The following MEAK7 variants were observed in gnomAD, a reference collection of about 807,000 sequenced individuals.
The protein encoded by MEAK7 is MTOR associated protein MEAK7.
A neutral mutation model predicts 40.5 loss-of-function variants in MEAK7; 68 were observed. The ratio of observed to expected loss-of-function variants is 1.68; its 90% CI spans 1.38 to 2.06. MEAK7 has a LOEUF of 2.06. Among genes scored for constraint, MEAK7 ranks in the 30% most tolerant of loss-of-function variants. The pLI is 0.00. For synonymous variants in MEAK7, 338 were observed against 231.9 expected (o/e 1.46, Z -4.16); for missense variants, 918 against 580.5 (o/e 1.58, Z -5.98).
chr16:84,482,784 A>T (rs994435770), intron 5 of MEAK7, 74 bp from the exon 6 acceptor site: 22 of 1,586,320 alleles, frequency 1.4e-5, no homozygotes, highest in Non-Finnish European at 1.9e-5. Context: ...AATGCCGGTA[A>T]GCTGCAGCTC....
chr16:84,504,000 C>G, intron 1 of MEAK7: 2 of 985,522 alleles, frequency 2.0e-6, no homozygotes, highest in Non-Finnish European at 2.4e-6. Flanking sequence ...TCTGGACAGG[C>G]TTCGAAGTCC....
intron 5 of MEAK7, chr16:84,485,892 G>A (rs1199883124): frequency 6.6e-6 from 1 of 152,222 alleles, no homozygotes; most frequent in Non-Finnish European, 1.5e-5. Flanking sequence ...ACGTTCACCA[G>A]GCTGGTCTCA....
intron 4 of MEAK7, chr16:84,488,185 AATTTTT>A (rs921365222): frequency 2.0e-5 from 3 of 152,166 alleles, no homozygotes; most frequent in African/African-American, 7.2e-5. Flanking sequence ...TGAAAACTTT[AATTTTT>A]ATTTTCATGA....
intron 1 of MEAK7, 101 bp from the exon 2 acceptor site, chr16:84,498,212 G>A (rs1914216296): frequency 1.5e-6 from 2 of 1,358,020 alleles, no homozygotes; most frequent in South Asian, 2.9e-5. Flanking sequence ...TACTGATATA[G>A]CCACAAAATG....
chr16:84,479,478 G>GAATTCCCTAATGCCAGCA lies in MEAK7; in HGVS notation c.*434_*435insTGCTGGCATTAGGGAATT. 8.1e-6 allele frequency: 1 copy of GAATTCCCTAATGCCAGCA among 123,474 alleles called. No homozygotes were observed. The highest frequency in any genetic ancestry group is 3.5e-5 in the African/African-American group (1 of 28,336). The allele number at this position is 123,474 out of a possible 1,614,324, so 7.6% of individuals were successfully genotyped here. On this transcript the variant is annotated 3_prime_UTR_variant, in exon 8 of 8. Coordinates refer to ENST00000343629, the MANE Select transcript of MEAK7 (RefSeq NM_020947.4). ...GCCAGCGGAATTCCCTAATGCCAGCGGAATTCCCTAATGCCAGCGGAATTC... is the reference window on the plus strand; with the variant it reads ...GCCAGCGGAATTCCCTAATGCCAGCGAATTCCCTAATGCCAGCAGAATTCCCTAATGCCAGCGGAATTC...
At position 84,482,957 on chromosome 16, in the gene MEAK7, G is replaced by T. The variant is rs114131774; in HGVS notation, c.959-247C>A. ...TCTTTTAGCTCTGGCCAGGGGAGCA[G>T]AGATCAGAACTCTGCCCACTGTCTG... On this transcript the variant is annotated intron_variant, in intron 5 of 7. Coordinates refer to ENST00000343629, the MANE Select transcript of MEAK7 (RefSeq NM_020947.4). Among the ~76,000 whole-genome samples, 1,325 of 152,326 alleles carry T rather than the reference G, an allele frequency of 8.7e-3. 10 individuals carry two copies. The highest frequency in any genetic ancestry group is 0.014 in the African/African-American group (593 of 41,578).
At position 84,480,557 on chromosome 16, in the gene MEAK7, G is replaced by T; in HGVS notation, c.1229C>A (p.Ala410Glu). The T allele has an allele frequency of 1.9e-6, 3 of 1,612,904 alleles. No individual in the cohort carries two copies. Among genetic ancestry groups the T allele is most frequent in the South Asian group, 2.2e-5 (2 of 90,940 alleles). Residue 410 changes from alanine to glutamate, a missense_variant, in exon 7 of 8, where the codon GCG becomes GAG. Transcript: ENST00000343629. ...CTGCTCCTCTGAGGGGTCTCCAACC[G>T]CCCACACCTCCATCTTATCAAACTG... is the stretch of plus-strand genomic sequence containing the variant. ...NFQFDKMEVWAVGDPSEEQLA... is the reference protein window; with the variant it reads ...NFQFDKMEVWEVGDPSEEQLA...
chr16:84,499,453 G>C (rs1914322041), intron 1 of MEAK7, among the ~76,000 whole-genome samples: 1 of 152,168 alleles, frequency 6.6e-6, no homozygotes, highest in Admixed American at 6.5e-5. Flanking sequence ...ATGAGTCATG[G>C]TCCGCACCAA....
At chr16:84,489,838 G>C (rs566619980) in intron 3 of MEAK7, among the ~76,000 whole-genome samples, 2 of 152,302 alleles carry the variant, frequency 1.3e-5, no homozygotes, top group South Asian at 4.1e-4. Flanking sequence ...AGGAAGGCAA[G>C]TCTTCCTGTT....
intron 5 of MEAK7, among the ~76,000 whole-genome samples, chr16:84,484,538 A>C (rs1219346879): frequency 2.6e-5 from 4 of 152,184 alleles, no homozygotes; most frequent in Non-Finnish European, 5.9e-5. Context: ...AAAAGGCTCT[A>C]AGTATAATCA....
intron 3 of MEAK7, among the ~76,000 whole-genome samples, chr16:84,494,442 T>TC (rs759145889): frequency 1.4e-4 from 22 of 152,076 alleles, no homozygotes; most frequent in Non-Finnish European, 2.5e-4. Flanking sequence ...TTCCTTTTTT[T>TC]CCCCCCATTT....
Position 84,486,726 on chromosome 16 carries a change from T to G in MEAK7, c.863A>C (p.His288Pro). The stretch of plus-strand genomic sequence containing the variant: ...GAGGACAGCCACACAGGGTCCCCGG[T>G]GAGTGATGTGGCCACAGAGCTGGGA... Reference protein sequence around the residue: ...SFSQLCGHITHRGPCVAVLED... With the variant: ...SFSQLCGHITPRGPCVAVLED... Residue 288 changes from histidine (H) to proline (P), a missense_variant, in exon 5 of 8, where the codon CAC becomes CCC. Physicochemically the swap from His to Pro is moderately conservative, Grantham distance 77 (BLOSUM62 -2). Coordinates refer to ENST00000343629, the MANE Select transcript of MEAK7 (RefSeq NM_020947.4). 6.2e-7 allele frequency: 1 copy of G among 1,613,808 alleles called. No homozygotes were observed. The highest frequency in any genetic ancestry group is 8.5e-7 in the Non-Finnish European group (1 of 1,179,848).
Position 84,479,992 on chromosome 16 carries a change from G to C in MEAK7, c.1292C>G (p.Pro431Arg). 6.2e-7 allele frequency: 1 copy of C among 1,609,412 alleles called. No homozygotes were observed. Among genetic ancestry groups the C allele is most frequent in the Non-Finnish European group, 8.5e-7 (1 of 1,176,782 alleles). The part of the protein sequence containing the change: ...KGNKSILDAD[P>R]EAQALLEISG... ...GATCTCCAGCAGGGCCTGGGCCTCA[G>C]GGTCCGCATCCAGGATGCTCTTGTT... Residue 431 changes from proline (P) to arginine (R), a missense_variant, in exon 8 of 8, where the codon CCT becomes CGT. Physicochemically the swap from Pro to Arg is moderately radical, Grantham distance 103. Coordinates refer to ENST00000343629, the MANE Select transcript of MEAK7 (RefSeq NM_020947.4).
At chr16:84,489,470 A>G in intron 3 of MEAK7, 48 bp from the exon 4 acceptor site, 1 of 1,551,206 alleles carries the variant, frequency 6.4e-7, no homozygotes. Flanking sequence ...CCATATCCTG[A>G]GACCTATGTC....
rs34244563 is a variant in MEAK7 at position 84,486,890 on chromosome 16, C to G, written c.699G>C (p.Glu233Asp). The part of the protein sequence containing the change: ...SSLDLTTLVP[E>D]RQVDQGRGFE... ...AACCCCTGCCCTGGTCCACTTGACG[C>G]TCAGGGACCAGGGTAGTCAGATCAA... Residue 233 changes from glutamate (E) to aspartate (D), a missense_variant, in exon 5 of 8, where the codon GAG (glutamate) becomes GAC (aspartate). Transcript: ENST00000343629. The G allele has an allele frequency of 1.6e-3, 2,641 of 1,614,166 alleles. 37 individuals carry two copies. The African/African-American group carries it at 0.029, about 18-fold the overall frequency.
chr16:84,487,309 A>T, intron 4 of MEAK7: 1 of 465,622 alleles, frequency 2.1e-6, no homozygotes. Context: ...TGTATTTAGG[A>T]CATATTATTA....
chr16:84,486,993 C>A lies in MEAK7; in HGVS notation c.596G>T (p.Trp199Leu). The A allele has an allele frequency of 2.5e-6, 4 of 1,614,152 alleles. No homozygotes were observed. Among genetic ancestry groups the A allele is most frequent in the Non-Finnish European group, 3.4e-6 (4 of 1,180,022 alleles). The part of the protein sequence containing the change: ...YDCDRAVIED[W>L]VFRVPHVAIF... The stretch of plus-strand genomic sequence containing the variant: ...GGCCACATGGGGGACCCTGAACACC[C>A]AGTCCTCGATCACAGCTCGGTCACA... Residue 199 changes from tryptophan to leucine, a missense_variant, in exon 5 of 8, where the codon TGG becomes TTG. By Grantham distance (61) the Trp-to-Leu change is moderately conservative. Coordinates refer to ENST00000343629, the MANE Select transcript of MEAK7 (RefSeq NM_020947.4).
In MEAK7 at chr16:84,477,411, G is replaced by C. The variant is rs558032259; in HGVS notation, c.*2502C>G. 6.6e-6 allele frequency: 1 copy of C among 151,996 alleles called. No homozygotes were observed. Among genetic ancestry groups the C allele is most frequent in the East Asian group, 1.9e-4 (1 of 5,168 alleles). 9.4% of individuals were successfully genotyped at this position (151,996 alleles called of 1,614,324 possible). ...TCTCCATGTTGGTCAGGCTGGTCTC[G>C]AACTTCCGACCTCAGGTGATCCGCC... On this transcript the variant is annotated 3_prime_UTR_variant, in exon 8 of 8. Transcript: ENST00000343629.
chr16:84,495,375 T>C (rs537484902), intron 3 of MEAK7, among the ~76,000 whole-genome samples: 1 of 152,336 alleles, frequency 6.6e-6, no homozygotes, highest in Non-Finnish European at 1.5e-5. Context: ...CATTGACTAT[T>C]TCCCTACCTG....
Sources: gnomAD v4.1 joint callset for allele counts (sites outside exome capture counted in the v4.1 genomes callset) on GRCh38, gnomAD v4.1.1 for gene constraint, MANE v1.5 for transcripts, NCBI Gene and HGNC (gene_info 2026-07-23, HGNC 2026-07-21) for gene names.